The following ESF1 variants were observed in gnomAD, a reference collection of about 807,000 sequenced individuals.
The protein encoded by ESF1 is ESF1 homolog.
ESF1 carries 58 observed loss-of-function variants against 92.0 expected under a neutral mutation model. The ratio of observed to expected loss-of-function variants is 0.63; its 90% confidence interval spans 0.51 to 0.78. The LOEUF (loss-of-function observed/expected upper bound fraction) is 0.78. ESF1 is among the 30% of genes least tolerant of loss of function. ESF1 has a pLI of 0.00. For synonymous variants in ESF1, 321 were observed against 313.7 expected (o/e 1.02, Z -0.24); for missense variants, 922 against 989.1 (o/e 0.93, Z 0.91).
chr20:13,716,242 G>T (rs187793375), intron 13 of ESF1, among the ~76,000 whole-genome samples: 2 of 152,034 alleles, frequency 1.3e-5, no homozygotes, highest in Non-Finnish European at 2.9e-5. Context: ...TAGATTTTTG[G>T]TAGACGGCTC....
rs199554521 is a variant in ESF1, at chr20:13,783,108, C to T, written c.33G>A (p.Gln11=). Residue 11 remains glutamine, a synonymous_variant, in exon 2 of 14, where the codon CAG becomes CAA. Transcript: ENST00000617257. MSSKQEIMSD[Q]RFRRVAKDPR... Reference sequence around the variant, plus strand: ...GGTCCTTTGCAACCCGTCTAAACCGCTGGTCACTCATTATTTCTTGTTTGG... The same window carrying T: ...GGTCCTTTGCAACCCGTCTAAACCGTTGGTCACTCATTATTTCTTGTTTGG... 24 of 1,606,824 alleles carry T rather than the reference C, an allele frequency of 1.5e-5. No individual in the cohort carries two copies. In the East Asian group the frequency reaches 5.1e-4, roughly 34 times the overall value.
intron 11 of ESF1, among the ~76,000 whole-genome samples, chr20:13,725,311 T>G (rs995972734): frequency 2.0e-5 from 3 of 152,308 alleles, no homozygotes; most frequent in Middle Eastern, 6.8e-3. Context: ...TGTATCTTAG[T>G]AACTTCTTTT....
intron 11 of ESF1, among the ~76,000 whole-genome samples, chr20:13,725,283 T>A (rs1157452030): frequency 4.6e-5 from 7 of 152,224 alleles, no homozygotes. Flanking sequence ...TGTATTTACT[T>A]TTATTTCCCC....
intron 8 of ESF1, among the ~76,000 whole-genome samples, chr20:13,761,916 AAAGG>A (rs1274296995): frequency 2.6e-5 from 4 of 152,220 alleles, no homozygotes; most frequent in Non-Finnish European, 5.9e-5. Context: ...TGTCTCAAGT[AAAGG>A]AAACTCTACT....
intron 11 of ESF1, among the ~76,000 whole-genome samples, chr20:13,727,569 G>A (rs2147726173): frequency 6.6e-6 from 1 of 152,278 alleles, no homozygotes; most frequent in South Asian, 2.1e-4. Flanking sequence ...ATAATGATCG[G>A]GGAAGGCAAA....
At chr20:13,776,327 A>T (rs1208268188) in intron 2 of ESF1, 57 bp from the exon 3 acceptor site, 6 of 1,479,600 alleles carry the variant, frequency 4.1e-6, no homozygotes, top group Non-Finnish European at 9.0e-7. Context: ...AATTAAACTG[A>T]ATCCAAATTA....
chr20:13,755,969 A>G (rs1190450803), intron 9 of ESF1, among the ~76,000 whole-genome samples: 1 of 152,198 alleles, frequency 6.6e-6, no homozygotes, highest in Non-Finnish European at 1.5e-5. Context: ...GTCAAGCCAC[A>G]GAACCAATGA....
chr20:13,771,072 T>C (rs1353791795), intron 6 of ESF1, among the ~76,000 whole-genome samples: 2 of 152,246 alleles, frequency 1.3e-5, no homozygotes, highest in Non-Finnish European at 2.9e-5. Flanking sequence ...GGAAATATTA[T>C]TGTGTAAGGT....
At chr20:13,774,485 TC>T (rs968637420) in intron 4 of ESF1, among the ~76,000 whole-genome samples, 1 of 152,242 alleles carries the variant, frequency 6.6e-6, no homozygotes, top group Non-Finnish European at 1.5e-5. Context: ...CAGGGCTATT[TC>T]AGGCACTGCA....
Position 13,765,934 on chromosome 20 carries a change from G to T in ESF1, c.1666+843C>A, listed in dbSNP as rs527275722. Among the ~76,000 whole-genome samples the T allele has an allele frequency of 1.5e-3, 235 of 152,244 alleles. 1 individual carries two copies. The highest frequency in any genetic ancestry group is 5.3e-3 in the African/African-American group (219 of 41,548). On this transcript the variant is annotated intron_variant, in intron 8 of 13. Coordinates refer to ENST00000617257, the MANE Select transcript of ESF1 (RefSeq NM_001276380.2). ...AGACTATGAGTAAAAAATATAAAAA[G>T]TGGTATTTCTGACTTGAGAAATAGC...
rs147221336 is a variant in ESF1, at chr20:13,733,075, G to A, written c.1950+646C>T. On this transcript the variant is annotated intron_variant, in intron 10 of 13. Coordinates refer to ENST00000617257, the MANE Select transcript of ESF1 (RefSeq NM_001276380.2). Reference sequence around the variant, plus strand: ...CAAGTAGCTGGGATTACAGGTGCGCGCCACCACATCCACCTAATTTTTGCA... The same window carrying A: ...CAAGTAGCTGGGATTACAGGTGCGCACCACCACATCCACCTAATTTTTGCA... Among the ~76,000 whole-genome samples, 876 of 150,732 alleles carry A rather than the reference G, an allele frequency of 5.8e-3. 8 individuals carry two copies. Among genetic ancestry groups the A allele is most frequent in the African/African-American group, 0.02 (788 of 40,156 alleles).
chr20:13,718,529 A>C (rs1193624340), intron 12 of ESF1, among the ~76,000 whole-genome samples: 3 of 152,232 alleles, frequency 2.0e-5, no homozygotes, highest in Admixed American at 1.3e-4. Flanking sequence ...CCATAACCAC[A>C]AACTGTATTC....
intron 8 of ESF1, among the ~76,000 whole-genome samples, chr20:13,760,446 G>A (rs1273797359): frequency 1.8e-5 from 2 of 112,734 alleles, no homozygotes; most frequent in African/African-American, 3.5e-5. Context: ...GCCCGGCCGC[G>A]ACCCCGTCTG....
chr20:13,714,779 T>C lies in ESF1; in HGVS notation c.*95A>G, dbSNP rs1326484977. 2 of 1,104,888 alleles carry C rather than the reference T, an allele frequency of 1.8e-6. No individual in the cohort carries two copies. Among genetic ancestry groups the C allele is most frequent in the Non-Finnish European group, 1.3e-6 (1 of 797,770 alleles). 68.4% of individuals were successfully genotyped at this position (1,104,888 alleles called of 1,614,324 possible). A position where few individuals can be genotyped will look rare whatever the true frequency, so the allele number is the denominator to read the frequency against. ...CAGAAAAAGATTTTATTCATGTTCT[T>C]GAAAGATAGCTTTGTTCCCAATAAA... On this transcript the variant is annotated 3_prime_UTR_variant, in exon 14 of 14. Transcript: ENST00000617257.
intron 2 of ESF1, among the ~76,000 whole-genome samples, chr20:13,777,767 T>C (rs8124808): frequency 0.056 from 8,491 of 151,448 alleles, 461 homozygotes; most frequent in African/African-American, 0.14. Context: ...TGTGTAGATA[T>C]ATCTTACGTG....
chr20:13,755,271 A>G (rs1978840743), intron 9 of ESF1, among the ~76,000 whole-genome samples: 1 of 152,232 alleles, frequency 6.6e-6, no homozygotes, highest in Non-Finnish European at 1.5e-5. Context: ...GATAGCTAAG[A>G]AAAACAGGAC....
chr20:13,783,058 T>G lies in ESF1; in HGVS notation c.83A>C (p.Lys28Thr). ...KDPRFWEMPEKDRKVKIDKRF... is the reference protein window; with the variant it reads ...KDPRFWEMPETDRKVKIDKRF... ...CTTGTCAATTTTGACTTTTCGATCC[T>G]TTTCTGGCATTTCCCAAAATCTCGG... The change falls in exon 2 of 14, where the codon AAG (lysine) becomes ACG (threonine). Residue 28 changes from lysine (K) to threonine (T), a missense_variant. By Grantham distance (78) the Lys-to-Thr change is moderately conservative. Coordinates refer to ENST00000617257, the MANE Select transcript of ESF1 (RefSeq NM_001276380.2). The G allele has an allele frequency of 1.2e-6, 2 of 1,613,964 alleles. No individual in the cohort carries two copies. Among genetic ancestry groups the G allele is most frequent in the Non-Finnish European group, 1.7e-6 (2 of 1,180,018 alleles).
chr20:13,745,026 A>C (rs1390661118), intron 9 of ESF1, among the ~76,000 whole-genome samples: 3 of 152,220 alleles, frequency 2.0e-5, no homozygotes, highest in Admixed American at 1.3e-4. Flanking sequence ...AGGAACTCTC[A>C]ATATCTGGGA....
intron 9 of ESF1, among the ~76,000 whole-genome samples, chr20:13,758,027 G>C: frequency 6.6e-6 from 1 of 151,706 alleles, no homozygotes; most frequent in East Asian, 2.0e-4. Flanking sequence ...AGACATCTCT[G>C]AGTAGCATAA....
Sources: allele counts gnomAD v4.1 joint callset (sites outside exome capture counted in the v4.1 genomes callset), GRCh38; gene constraint gnomAD v4.1.1; transcripts MANE v1.5; gene names NCBI Gene and HGNC (gene_info 2026-07-23, HGNC 2026-07-21).